The following PTPRS variants were observed in gnomAD, a reference collection of about 807,000 sequenced individuals.
PTPRS encodes protein tyrosine phosphatase receptor type S.
A neutral mutation model predicts 215.3 loss-of-function variants in PTPRS; 63 were observed. The ratio of observed to expected loss-of-function variants is 0.29; its 90% confidence interval spans 0.24 to 0.36. PTPRS has a LOEUF of 0.36. Ranked by LOEUF, PTPRS falls within the 10% of genes least tolerant of loss-of-function variation. The pLI is 1.00. For missense variants in PTPRS, 2,258 were observed against 2,825.8 expected (o/e 0.80, Z 4.56); for synonymous variants, 1,404 against 1,191.4 (o/e 1.18, Z -3.68).
intron 28 of PTPRS, 51 bp downstream of exon 28, chr19:5,215,238 C>G: frequency 6.2e-7 from 1 of 1,605,674 alleles, no homozygotes. Context: ...GGATCTAGCA[C>G]TTTCCATGCA....
chr19:5,277,274 C>G (rs1413988886), intron 2 of PTPRS, among the ~76,000 whole-genome samples: 2 of 151,834 alleles, frequency 1.3e-5, no homozygotes, highest in African/African-American at 4.8e-5. Flanking sequence ...TACAAGAGCC[C>G]TTAGGAAGCA....
At chr19:5,313,418 C>T (rs987106766) in intron 1 of PTPRS, among the ~76,000 whole-genome samples, 8 of 152,200 alleles carry the variant, frequency 5.3e-5, no homozygotes, top group Non-Finnish European at 8.8e-5. Context: ...GGGGAATCCA[C>T]GCAGTCAGCA....
At chr19:5,222,633 T>TGGGGGGGGGGGGGGG in intron 18 of PTPRS, 56 bp downstream of exon 18, 1 of 468,580 alleles carries the variant, frequency 2.1e-6, no homozygotes, top group Non-Finnish European at 2.8e-6. Context: ...GGGGCTGGGG[T>TGGGGGGGGGGGGGGG]GGGGGTGGGC....
intron 13 of PTPRS, among the ~76,000 whole-genome samples, chr19:5,233,172 C>A (rs1568436315): frequency 1.4e-5 from 2 of 144,210 alleles, no homozygotes; most frequent in Admixed American, 7.0e-5. Context: ...AGAATGGTAA[C>A]AAAATAATCT....
intron 1 of PTPRS, among the ~76,000 whole-genome samples, chr19:5,333,288 T>A (rs2050385177): frequency 6.6e-6 from 1 of 150,842 alleles, no homozygotes; most frequent in African/African-American, 2.4e-5. Flanking sequence ...CTGAGCAATA[T>A]GGTGAAACCC....
At chr19:5,255,088 C>G (rs1306469813) in intron 9 of PTPRS, among the ~76,000 whole-genome samples, 1 of 152,218 alleles carries the variant, frequency 6.6e-6, no homozygotes, top group Non-Finnish European at 1.5e-5. Context: ...TTTGGGAGCG[C>G]AGGAGGCAGT....
At chr19:5,214,297 G>GC in intron 30 of PTPRS, 64 bp downstream of exon 30, 1 of 1,608,200 alleles carries the variant, frequency 6.2e-7, no homozygotes. Flanking sequence ...AGAAGCTGGG[G>GC]CCCTCTGCCT....
intron 33 of PTPRS, among the ~76,000 whole-genome samples, chr19:5,211,081 G>A (rs564324379): frequency 6.6e-6 from 1 of 152,312 alleles, no homozygotes; most frequent in South Asian, 2.1e-4. Flanking sequence ...TCTCCTTCAA[G>A]GGCCACTGCC....
At chr19:5,258,741 C>T (rs1320299950) in intron 7 of PTPRS, among the ~76,000 whole-genome samples, 2 of 152,130 alleles carry the variant, frequency 1.3e-5, no homozygotes, top group Non-Finnish European at 2.9e-5. Flanking sequence ...TTAGGTTATA[C>T]CCTGAGGCAG....
intron 30 of PTPRS, among the ~76,000 whole-genome samples, 182 bp downstream of exon 30, chr19:5,214,177 CCT>C (rs2041197211): frequency 6.6e-6 from 1 of 152,244 alleles, no homozygotes; most frequent in Non-Finnish European, 1.5e-5. Flanking sequence ...CAAGCAGTGT[CCT>C]CTCTGAGCCT....
intron 24 of PTPRS, 46 bp downstream of exon 24, chr19:5,218,741 C>T (rs577943864): frequency 1.2e-6 from 2 of 1,607,102 alleles, no homozygotes; most frequent in South Asian, 2.2e-5. Context: ...ATTCCCTGTC[C>T]TCTTCCTCTT....
chr19:5,278,532 C>T (rs1214289674), intron 2 of PTPRS, among the ~76,000 whole-genome samples: 1 of 152,100 alleles, frequency 6.6e-6, no homozygotes, highest in Non-Finnish European at 1.5e-5. Context: ...GGCTCAAGTG[C>T]AGGGCGCGAT....
intron 2 of PTPRS, among the ~76,000 whole-genome samples, chr19:5,274,757 C>T (rs1239124768): frequency 6.6e-6 from 1 of 152,234 alleles, no homozygotes; most frequent in Non-Finnish European, 1.5e-5. Flanking sequence ...TCCATGGTGA[C>T]CAGCCAAACC....
intron 1 of PTPRS, among the ~76,000 whole-genome samples, chr19:5,335,708 A>G (rs2050474070): frequency 6.6e-6 from 1 of 152,160 alleles, no homozygotes; most frequent in South Asian, 2.1e-4. Flanking sequence ...GACATTTGTG[A>G]TCCAGCCCCA....
In PTPRS at chr19:5,293,764, G is replaced by A. The variant is rs560867414; in HGVS notation, c.-94-7530C>T. 7.2e-4 allele frequency among the ~76,000 whole-genome samples: 109 copies of A among 152,274 alleles called. No homozygotes were observed. Among genetic ancestry groups the A allele is most frequent in the African/African-American group, 2.5e-3 (103 of 41,576 alleles). On this transcript the variant is annotated intron_variant, in intron 1 of 37. Transcript: ENST00000262963. This position sits in a 1 kb window ranked among gnomAD's most constrained non-coding sequence, Gnocchi z 8.4. ...CAGAGGGTAGGGGAGAGGTGCGGGC[G>A]CAGAGGCTTCCCTCCCGCTGGGGGT...
intron 23 of PTPRS, 38 bp downstream of exon 23, chr19:5,219,272 C>T (rs1480210601): frequency 1.2e-6 from 2 of 1,611,652 alleles, no homozygotes; most frequent in South Asian, 1.1e-5. Flanking sequence ...GAAGCCCTCC[C>T]TGCTGTCAAG....
rs1313240063 is a variant in PTPRS, at chr19:5,338,345, G to C, written c.-95+2319C>G. On this transcript the variant is annotated intron_variant, in intron 1 of 37. Coordinates refer to ENST00000262963, the MANE Select transcript of PTPRS (RefSeq NM_002850.4). The surrounding 1 kb of genome is among the most constrained non-coding windows in gnomAD (Gnocchi z 4.2). ...GAGTATGGCGGGCGGTGGCCCCCAGGGGGCTGGGAGGCCTAGCCCCCATGC... is the reference window on the plus strand; with the variant it reads ...GAGTATGGCGGGCGGTGGCCCCCAGCGGGCTGGGAGGCCTAGCCCCCATGC... Among the ~76,000 whole-genome samples, 1 of 152,148 alleles carries C rather than the reference G, an allele frequency of 6.6e-6. No homozygotes were observed. The highest frequency in any genetic ancestry group is 1.5e-5 in the Non-Finnish European group (1 of 68,002).
At chr19:5,267,062 T>C (rs998262508) in intron 4 of PTPRS, among the ~76,000 whole-genome samples, 1 of 152,100 alleles carries the variant, frequency 6.6e-6, no homozygotes, top group Admixed American at 6.5e-5. Context: ...AGGAGCTCAA[T>C]CAATGAACAA....
chr19:5,289,361 G>A (rs1433341947), intron 1 of PTPRS, among the ~76,000 whole-genome samples: 1 of 152,160 alleles, frequency 6.6e-6, no homozygotes, highest in East Asian at 1.9e-4. Context: ...CTGGACAGAT[G>A]TCGTCACCTC....
Sources: gnomAD v4.1 joint callset for allele counts (sites outside exome capture counted in the v4.1 genomes callset) on GRCh38, gnomAD v4.1.1 for gene constraint, Gnocchi (gnomAD v3.1) non-coding constraint, MANE v1.5 for transcripts, NCBI Gene and HGNC (gene_info 2026-07-23, HGNC 2026-07-21) for gene names.